TMEM87B: variants seen among roughly 807,000 people sequenced by gnomAD.
TMEM87B encodes the protein transmembrane protein 87B.
In TMEM87B, 83 loss-of-function variants were observed where a neutral mutation model predicts 80.3. The observed-to-expected ratio is 1.03, with a 90% CI of 0.87 to 1.24. The LOEUF (loss-of-function observed/expected upper bound fraction) is 1.24, where lower values mean the gene tolerates loss of function less well. Ranked by LOEUF, TMEM87B falls within the 50% of genes most tolerant of loss-of-function variation. The probability of loss-of-function intolerance (pLI) is 0.00; values close to 1 mark genes in which losing one functional copy is unlikely to be tolerated. For synonymous variants in TMEM87B, 219 were observed against 230.5 expected, an observed-to-expected ratio of 0.95 and a Z score of 0.45; for missense variants, 625 against 674.4, an observed-to-expected ratio of 0.93 and a Z score of 0.81.
At chr2:112,073,742 G>C (rs556705413) in intron 4 of TMEM87B, among the ~76,000 whole-genome samples, 2 of 152,286 alleles carry the variant, frequency 1.3e-5, no homozygotes, top group Middle Eastern at 3.4e-3. Flanking sequence ...CTCTTTAAAC[G>C]TCTCTAAGAA....
At chr2:112,098,155 C>G (rs1396153034) in intron 13 of TMEM87B, among the ~76,000 whole-genome samples, 1 of 151,984 alleles carries the variant, frequency 6.6e-6, no homozygotes, top group Non-Finnish European at 1.5e-5. Flanking sequence ...TATTCTTAGA[C>G]TTAGAATATG....
At position 112,081,372 on chromosome 2, in the gene TMEM87B, G is replaced by T. The variant is rs1204006424; in HGVS notation, c.692G>T (p.Gly231Val). Residue 231 changes from glycine (G) to valine (V), a missense_variant, in exon 8 of 19, where the codon GGC becomes GTC. By Grantham distance (109) the Gly-to-Val change is moderately radical. Transcript: ENST00000283206. ...ATGTGTATTGTTTATATATTATATGGCATACTCTGGCTGACGTGGTCTGCC... is the reference window on the plus strand; with the variant it reads ...ATGTGTATTGTTTATATATTATATGTCATACTCTGGCTGACGTGGTCTGCC... ...MVMCIVYILY[G>V]ILWLTWSACY... 2 of 1,612,744 alleles carry T rather than the reference G, an allele frequency of 1.2e-6. No individual in the cohort carries two copies. The highest frequency in any genetic ancestry group is 2.7e-5 in the African/African-American group (2 of 74,774).
At chr2:112,069,167 C>T (rs1420552069) in intron 4 of TMEM87B, among the ~76,000 whole-genome samples, 2 of 132,914 alleles carry the variant, frequency 1.5e-5, no homozygotes, top group Non-Finnish European at 3.1e-5. Flanking sequence ...AGTCCGCAGT[C>T]TGGCCTGGGC....
chr2:112,097,726 A>C (rs914248852), intron 13 of TMEM87B, among the ~76,000 whole-genome samples: 107 of 151,838 alleles, frequency 7.0e-4, no homozygotes, highest in African/African-American at 2.2e-3. Context: ...AAAAAAAAAA[A>C]AAAAAAAAAA....
At chr2:112,055,908 C>G in intron 1 of TMEM87B, 152 bp downstream of exon 1, 1 of 1,078,306 alleles carries the variant, frequency 9.3e-7, no homozygotes, top group South Asian at 2.2e-5. Flanking sequence ...CTGTTACAGC[C>G]GGGGAGCGGG....
chr2:112,106,515 A>G lies in TMEM87B; in HGVS notation c.1524+440A>G, dbSNP rs60036885. 3.3e-3 allele frequency among the ~76,000 whole-genome samples: 509 copies of G among 152,152 alleles called. 3 individuals are homozygous for G. The highest frequency in any genetic ancestry group is 0.011 in the African/African-American group (455 of 41,498). Reference sequence around the variant, plus strand: ...AAGCCATTTTAAAATAACATTTGTTATCTGTTGGTAAAGAACTTTATGTGT... The same window carrying G: ...AAGCCATTTTAAAATAACATTTGTTGTCTGTTGGTAAAGAACTTTATGTGT... On this transcript the variant is annotated intron_variant, in intron 16 of 18. Coordinates refer to ENST00000283206, the MANE Select transcript of TMEM87B (RefSeq NM_032824.3).
intron 1 of TMEM87B, among the ~76,000 whole-genome samples, chr2:112,058,076 C>T (rs1466371053): frequency 5.9e-5 from 9 of 152,226 alleles, no homozygotes; most frequent in African/African-American, 2.2e-4. Context: ...ATCCTCCCGC[C>T]TCAGCCTCCC....
rs561750673 is a variant in TMEM87B, at chr2:112,101,847, T to C, written c.1450+1152T>C. Among the ~76,000 whole-genome samples the C allele has an allele frequency of 7.8e-4, 119 of 152,292 alleles. 1 individual carries two copies. The highest frequency in any genetic ancestry group is 2.8e-3 in the African/African-American group (116 of 41,568). On this transcript the variant is annotated intron_variant, in intron 15 of 18. Transcript: ENST00000283206. ...AAAAAAGGTAAATAAGGAAATATTA[T>C]GAACAATTTTATGGTAACAAATTGG...
rs193103783 is a variant in TMEM87B, at chr2:112,116,843, C to G, written c.*700C>G. 3.9e-5 allele frequency: 6 copies of G among 152,642 alleles called. No homozygotes were observed. The East Asian group carries it at 1.2e-3, about 30-fold the overall frequency. The allele number at this position is 152,642 out of a possible 1,614,324, so 9.5% of individuals were successfully genotyped here. A position where few individuals can be genotyped will look rare whatever the true frequency, so the allele number is the denominator to read the frequency against. On this transcript the variant is annotated 3_prime_UTR_variant, in exon 19 of 19. Coordinates refer to ENST00000283206, the MANE Select transcript of TMEM87B (RefSeq NM_032824.3). ...CTTGAGGGTCACTACCAAAGAATTA[C>G]CCTCATTGTCCCTCACTCAGGCCAT...
At chr2:112,064,066 A>G (rs1678339998) in intron 2 of TMEM87B, 96 bp from the exon 3 acceptor site, 2 of 987,674 alleles carry the variant, frequency 2.0e-6, no homozygotes, top group East Asian at 4.9e-5. Flanking sequence ...TTGTTACATT[A>G]AAGTAGCCTA....
intron 11 of TMEM87B, among the ~76,000 whole-genome samples, chr2:112,094,159 T>G (rs71414623): frequency 6.6e-6 from 1 of 151,334 alleles, no homozygotes; most frequent in Admixed American, 6.6e-5. Flanking sequence ...AGATTTCTTG[T>G]TCTTTTTTTT....
At chr2:112,075,033 G>A in intron 5 of TMEM87B, 71 bp downstream of exon 5, 2 of 1,523,820 alleles carry the variant, frequency 1.3e-6, no homozygotes, top group Non-Finnish European at 1.8e-6. Context: ...GTCGCTGATG[G>A]ATAGATACTT....
At chr2:112,094,287 G>A (rs1382406570) in intron 11 of TMEM87B, among the ~76,000 whole-genome samples, 18 of 151,076 alleles carry the variant, frequency 1.2e-4, no homozygotes, top group Admixed American at 1.1e-3. Context: ...TCAGCCTCCC[G>A]AGTAGCTGGG....
At chr2:112,106,397 T>C (rs1679768458) in intron 16 of TMEM87B, among the ~76,000 whole-genome samples, 1 of 152,190 alleles carries the variant, frequency 6.6e-6, no homozygotes, top group Non-Finnish European at 1.5e-5. Context: ...TTTGAAAAGA[T>C]TCCATAGCCT....
intron 3 of TMEM87B, among the ~76,000 whole-genome samples, chr2:112,065,743 C>T (rs10171979): frequency 6.6e-5 from 10 of 151,664 alleles, no homozygotes; most frequent in African/African-American, 1.2e-4. Context: ...CACCCCATAC[C>T]GGAACCAATT....
intron 7 of TMEM87B, 47 bp downstream of exon 7, chr2:112,081,165 A>G (rs1678983341): frequency 1.3e-6 from 2 of 1,565,884 alleles, no homozygotes; most frequent in Non-Finnish European, 1.8e-6. Flanking sequence ...TGAATTTTAT[A>G]CCCTAAGAGC....
rs1036735098 is a variant in TMEM87B, at chr2:112,074,912, A to G, written c.451A>G (p.Asn151Asp). ...SDSQVFPSLNNKELINIRNVS... is the reference protein window; with the variant it reads ...SDSQVFPSLNDKELINIRNVS... ...TGGCATTATTTACTCTTTTTTCCAG[A>G]ATAAAGAACTAATAAATATCAGAAA... The change falls in exon 5 of 19, where the codon AAT becomes GAT. Residue 151 changes from asparagine to aspartate, a missense_variant and splice_region_variant. Asn to Asp is a conservative substitution (Grantham distance 23, BLOSUM62 1). Coordinates refer to ENST00000283206, the MANE Select transcript of TMEM87B (RefSeq NM_032824.3). 3.8e-6 allele frequency: 6 copies of G among 1,571,550 alleles called. 1 individual carries two copies. The highest frequency in any genetic ancestry group is 1.7e-6 in the Non-Finnish European group (2 of 1,155,888).
At chr2:112,071,178 G>T (rs1678618027) in intron 4 of TMEM87B, among the ~76,000 whole-genome samples, 2 of 151,936 alleles carry the variant, frequency 1.3e-5, no homozygotes, top group African/African-American at 4.8e-5. Flanking sequence ...TTTGAGCAGT[G>T]TTTTGTAATT....
At chr2:112,084,026 T>C (rs953232593) in intron 8 of TMEM87B, among the ~76,000 whole-genome samples, 1 of 152,146 alleles carries the variant, frequency 6.6e-6, no homozygotes, top group Non-Finnish European at 1.5e-5. Context: ...GGAAAAGTTT[T>C]AAAAAGAATT....
Sources: allele counts gnomAD v4.1 joint callset (sites outside exome capture counted in the v4.1 genomes callset), GRCh38; gene constraint gnomAD v4.1.1; transcripts MANE v1.5; gene names NCBI Gene and HGNC (gene_info 2026-07-23, HGNC 2026-07-21).